UBIAD1: variants seen among roughly 807,000 people sequenced by gnomAD.
UBIAD1 encodes the protein ubiA prenyltransferase domain-containing protein 1.
In UBIAD1, 12 loss-of-function variants were observed where a neutral mutation model predicts 20.1. That is an observed-to-expected ratio of 0.60 (90% CI 0.38 to 0.97). The LOEUF (loss-of-function observed/expected upper bound fraction) is 0.97, where lower values mean the gene tolerates loss of function less well. Ranked by LOEUF, UBIAD1 falls within the 50% of genes least tolerant of loss-of-function variation. The pLI, the probability that UBIAD1 is intolerant of heterozygous loss-of-function variation, is 0.00. For synonymous variants in UBIAD1, 207 were observed against 189.2 expected (o/e 1.09, Z -0.77); for missense variants, 333 against 419.5 (o/e 0.79, Z 1.80).
chr1:11,277,697 G>C (rs753822301), intron 1 of UBIAD1, among the ~76,000 whole-genome samples: 4 of 152,158 alleles, frequency 2.6e-5, no homozygotes, highest in Non-Finnish European at 5.9e-5. Flanking sequence ...GCCCAGGCTG[G>C]AGTACAATGG....
intron 1 of UBIAD1, among the ~76,000 whole-genome samples, chr1:11,282,373 A>T (rs1268865294): frequency 1.3e-5 from 2 of 152,166 alleles, no homozygotes; most frequent in Admixed American, 1.3e-4. Flanking sequence ...CAGATGGGCC[A>T]CGTCTCTGAA....
At position 11,287,044 on chromosome 1, in the gene UBIAD1, C is replaced by G. The variant is rs538784849; in HGVS notation, c.*913C>G. 3.9e-5 allele frequency: 6 copies of G among 152,282 alleles called. No homozygotes were observed. The highest frequency in any genetic ancestry group is 6.5e-5 in the Admixed American group (1 of 15,278). The allele number at this position is 152,282 out of a possible 1,614,324, so 9.4% of individuals were successfully genotyped here. A position where few individuals can be genotyped will look rare whatever the true frequency, so the allele number is the denominator to read the frequency against. On this transcript the variant is annotated 3_prime_UTR_variant, in exon 2 of 2. Coordinates refer to ENST00000376810, the MANE Select transcript of UBIAD1 (RefSeq NM_013319.3). ...TGATGCTCCCCACACCTACCCTCCACCTCTCCACCTCTGTGGTGTTCCCAT... is the reference window on the plus strand; with the variant it reads ...TGATGCTCCCCACACCTACCCTCCAGCTCTCCACCTCTGTGGTGTTCCCAT...
intron 1 of UBIAD1, among the ~76,000 whole-genome samples, chr1:11,276,556 C>T (rs908619650): frequency 6.7e-6 from 1 of 150,168 alleles, no homozygotes. Flanking sequence ...CCTAGCTACT[C>T]GGGAGGCTGA....
At chr1:11,281,160 T>G (rs1339928569) in intron 1 of UBIAD1, among the ~76,000 whole-genome samples, 1 of 152,180 alleles carries the variant, frequency 6.6e-6, no homozygotes, top group African/African-American at 2.4e-5. Context: ...TCTAACCATG[T>G]GGTTCACTTT....
intron 1 of UBIAD1, among the ~76,000 whole-genome samples, chr1:11,283,878 T>TA (rs1490028359): frequency 6.6e-6 from 1 of 152,164 alleles, no homozygotes; most frequent in Non-Finnish European, 1.5e-5. Flanking sequence ...TCTGTAGCAA[T>TA]AATTGCATGG....
exon 2 of UBIAD1, chr1:11,294,886 A>G (rs1308413975): frequency 2.8e-6 from 2 of 717,308 alleles, no homozygotes; most frequent in African/African-American, 3.5e-5. Flanking sequence ...TCATCTAGCC[A>G]CTGAAGCAGA....
rs766882538 is a variant in UBIAD1, at chr1:11,274,080, G to C, written c.529+20G>C. On this transcript the variant is annotated intron_variant, in intron 1 of 1. Transcript: ENST00000376810. ...CAGGAGGTAAGATTTGGCCTGTCCT[G>C]TGTGCTGCAGGTCTTAGTCGCGTCC... is the stretch of plus-strand genomic sequence containing the variant. 2.5e-6 allele frequency: 4 copies of C among 1,613,826 alleles called. No individual in the cohort carries two copies. The highest frequency in any genetic ancestry group is 3.4e-6 in the Non-Finnish European group (4 of 1,180,036).
Position 11,285,586 on chromosome 1 carries a change from C to T in UBIAD1, c.530-58C>T, listed in dbSNP as rs1382976399. The T allele has an allele frequency of 5.6e-6, 9 of 1,612,394 alleles. No homozygotes were observed. Among genetic ancestry groups the T allele is most frequent in the Non-Finnish European group, 6.8e-6 (8 of 1,179,904 alleles). On this transcript the variant is annotated intron_variant, in intron 1 of 1. Transcript: ENST00000376810. The surrounding 1 kb of genome is among the most constrained non-coding windows in gnomAD (Gnocchi z 4.4). ...AGTGGCCTGCCTCTTCACTGGTGAA[C>T]AGTCCCTAAATTTCCAGCCTTGGTC...
chr1:11,274,499 A>G (rs1450612148), intron 1 of UBIAD1, among the ~76,000 whole-genome samples: 1 of 151,448 alleles, frequency 6.6e-6, no homozygotes, highest in Admixed American at 6.6e-5. Context: ...GGGTGTCACC[A>G]TGTTGGCCAG....
At chr1:11,289,881 C>T (rs946405496), downstream of UBIAD1, among the ~76,000 whole-genome samples, 3 of 152,156 alleles carry the variant, frequency 2.0e-5, no homozygotes, top group Admixed American at 6.5e-5. Context: ...CAGGCACCCG[C>T]CACTATGCCC....
rs1638307855 is a variant in UBIAD1 at position 11,288,343 on chromosome 1, A to G, written c.*2212A>G. On this transcript the variant is annotated 3_prime_UTR_variant, in exon 2 of 2. Coordinates refer to ENST00000376810, the MANE Select transcript of UBIAD1 (RefSeq NM_013319.3). ...GGCCAAATTTGTTGCCAGGTTTTATACGCAGGTCACCATAATTTGTATTAT... is the reference window on the plus strand; with the variant it reads ...GGCCAAATTTGTTGCCAGGTTTTATGCGCAGGTCACCATAATTTGTATTAT... 6.6e-6 allele frequency: 1 copy of G among 152,234 alleles called. No individual in the cohort carries two copies. The highest frequency in any genetic ancestry group is 1.5e-5 in the Non-Finnish European group (1 of 68,046). The allele number at this position is 152,234 out of a possible 1,614,324, so 9.4% of individuals were successfully genotyped here.
chr1:11,281,431 T>A, intron 1 of UBIAD1, among the ~76,000 whole-genome samples: 1 of 152,214 alleles, frequency 6.6e-6, no homozygotes, highest in South Asian at 2.1e-4. Context: ...GCTGAACCCC[T>A]AGCACCCAGA....
intron 1 of UBIAD1, among the ~76,000 whole-genome samples, chr1:11,280,538 C>T (rs1308835159): frequency 6.6e-6 from 1 of 152,204 alleles, no homozygotes; most frequent in Non-Finnish European, 1.5e-5. Context: ...CTTAACATGT[C>T]TGAGACCAAA....
At chr1:11,280,732 C>G (rs527619567) in intron 1 of UBIAD1, among the ~76,000 whole-genome samples, 1 of 152,298 alleles carries the variant, frequency 6.6e-6, no homozygotes, top group African/African-American at 2.4e-5. Flanking sequence ...TAGGATCTGA[C>G]CACTTCTTAC....
chr1:11,298,569 A>AAAATAAATAAAT (rs368913011), downstream of UBIAD1, among the ~76,000 whole-genome samples: 1,549 of 145,012 alleles, frequency 0.011, 34 homozygotes, highest in African/African-American at 0.033. This position sits in a 1 kb window ranked among gnomAD's most constrained non-coding sequence, Gnocchi z 4.0. Context: ...CCTGTCTCCA[A>AAAATAAATAAAT]AAATAAATAA....
downstream of UBIAD1, among the ~76,000 whole-genome samples, chr1:11,298,889 T>C (rs1638489159): frequency 1.3e-5 from 2 of 152,186 alleles, no homozygotes; most frequent in South Asian, 4.1e-4. The surrounding 1 kb of genome is among the most constrained non-coding windows in gnomAD (Gnocchi z 4.0). Context: ...GTGGAGCCAT[T>C]CGTTATCCTG....
chr1:11,278,288 A>G (rs574765956), intron 1 of UBIAD1, among the ~76,000 whole-genome samples: 1 of 152,234 alleles, frequency 6.6e-6, no homozygotes, highest in Non-Finnish European at 1.5e-5. Flanking sequence ...TTTAGTCTTT[A>G]GAAACACACA....
At chr1:11,294,137 A>G (rs1354869617) in intron 1 of UBIAD1, among the ~76,000 whole-genome samples, 2 of 152,310 alleles carry the variant, frequency 1.3e-5, no homozygotes, top group East Asian at 3.9e-4. Context: ...ATGCTTAAAT[A>G]CATTCTTTTA....
chr1:11,283,919 T>G (rs1652324815), intron 1 of UBIAD1, among the ~76,000 whole-genome samples: 1 of 152,190 alleles, frequency 6.6e-6, no homozygotes, highest in African/African-American at 2.4e-5. Flanking sequence ...GCTCCACTCA[T>G]TCCATACTGC....
Sources: gnomAD v4.1 joint callset for allele counts (sites outside exome capture counted in the v4.1 genomes callset) on GRCh38, gnomAD v4.1.1 for gene constraint, Gnocchi (gnomAD v3.1) non-coding constraint, MANE v1.5 for transcripts, NCBI Gene and HGNC (gene_info 2026-07-23, HGNC 2026-07-21) for gene names.